RBL2: variants seen among roughly 807,000 people sequenced by gnomAD.
RBL2 encodes RB transcriptional corepressor like 2.
A neutral mutation model predicts 126.0 loss-of-function variants in RBL2; 56 were observed. The observed-to-expected ratio is 0.44, with a 90% CI of 0.36 to 0.56. The LOEUF (loss-of-function observed/expected upper bound fraction) is 0.56. Ranked by LOEUF, RBL2 falls within the 20% of genes least tolerant of loss-of-function variation. RBL2 has a pLI of 0.00. For synonymous variants in RBL2, 454 were observed against 478.5 expected, an observed-to-expected ratio of 0.95 and a Z score of 0.67; for missense variants, 1,229 against 1,398.2, an observed-to-expected ratio of 0.88 and a Z score of 1.93.
intron 3 of RBL2, among the ~76,000 whole-genome samples, chr16:53,446,815 A>T (rs2058066717): frequency 1.3e-5 from 2 of 152,202 alleles, no homozygotes; most frequent in South Asian, 4.1e-4. Flanking sequence ...ACTTTAAAAA[A>T]TTCTTTAAGA....
chr16:53,482,580 T>G (rs540059477), intron 21 of RBL2, among the ~76,000 whole-genome samples: 8 of 152,238 alleles, frequency 5.3e-5, no homozygotes, highest in Admixed American at 6.5e-5. Context: ...GAGGCCACAG[T>G]GGGCAGATCA....
Position 53,447,115 on chromosome 16 carries a change from ATAGTAATATT to A in RBL2, c.637+12_637+21del, listed in dbSNP as rs1477822781. On this transcript the variant is annotated intron_variant, in intron 4 of 21. Transcript: ENST00000262133. ...TTTTATATATGCAAAAGGTAAGAAA[ATAGTAATATT>A]TATTTAGATTTAATATGTCTATTTA... 3 of 1,388,530 alleles carry A rather than the reference ATAGTAATATT, an allele frequency of 2.2e-6. No individual in the cohort carries two copies. In the African/African-American group the frequency reaches 4.3e-5, roughly 20 times the overall value. 86.0% of individuals were successfully genotyped at this position (1,388,530 alleles called of 1,614,324 possible).
intron 11 of RBL2, among the ~76,000 whole-genome samples, chr16:53,463,605 G>T (rs1036754828): frequency 7.1e-5 from 6 of 84,432 alleles, no homozygotes; most frequent in Admixed American, 1.9e-4. Context: ...TTTCGCTCTT[G>T]TTGCTCAGGC....
chr16:53,461,854 A>G lies in RBL2; in HGVS notation c.1456+4A>G. On this transcript the variant is annotated splice_donor_region_variant and intron_variant, in intron 10 of 21. Coordinates refer to ENST00000262133, the MANE Select transcript of RBL2 (RefSeq NM_005611.4). The stretch of plus-strand genomic sequence containing the variant: ...GATTTCAGTAATTGTGCTAAAGGTA[A>G]GGTTTAACATTGTTATTCTGCTTTT... 1.3e-6 allele frequency: 2 copies of G among 1,597,332 alleles called. No homozygotes were observed. Among genetic ancestry groups the G allele is most frequent in the South Asian group, 2.2e-5 (2 of 90,658 alleles).
intron 17 of RBL2, among the ~76,000 whole-genome samples, chr16:53,477,708 TC>T (rs1960784515): frequency 6.6e-6 from 1 of 152,170 alleles, no homozygotes; most frequent in Non-Finnish European, 1.5e-5. Context: ...TTTCCTTTGC[TC>T]AATATGGCTT....
intron 9 of RBL2, 24 bp from the exon 10 acceptor site, chr16:53,461,717 G>T (rs370478866): frequency 2.6e-5 from 39 of 1,512,176 alleles, no homozygotes; most frequent in Non-Finnish European, 3.2e-5. Flanking sequence ...TTTAAATTAT[G>T]TTATTTCTCA....
intron 21 of RBL2, among the ~76,000 whole-genome samples, chr16:53,482,444 C>T (rs1407343354): frequency 6.6e-6 from 1 of 152,164 alleles, no homozygotes; most frequent in African/African-American, 2.4e-5. Context: ...AGCTTAATTA[C>T]GGGCATCATG....
At chr16:53,446,855 C>T (rs755461159) in intron 3 of RBL2, among the ~76,000 whole-genome samples, 187 bp from the exon 4 acceptor site, 4 of 152,038 alleles carry the variant, frequency 2.6e-5, no homozygotes, top group African/African-American at 4.8e-5. Flanking sequence ...GGGCTCTTTC[C>T]CTGGATCCCA....
rs1272411934 is a variant in RBL2, at chr16:53,470,737, A to G, written c.2527-9A>G. 2 of 1,612,890 alleles carry G rather than the reference A, an allele frequency of 1.2e-6. No homozygotes were observed. The highest frequency in any genetic ancestry group is 8.5e-7 in the Non-Finnish European group (1 of 1,179,408). The stretch of plus-strand genomic sequence containing the variant: ...GTTAAACAAAGTTTGAAATGTTTTT[A>G]TCTCCTAGGTATACCATTTAGCAGC... On this transcript the variant is annotated splice_polypyrimidine_tract_variant and intron_variant, in intron 16 of 21. Transcript: ENST00000262133.
intron 17 of RBL2, 78 bp downstream of exon 17, chr16:53,471,000 A>G: frequency 2.1e-6 from 3 of 1,398,758 alleles, no homozygotes; most frequent in Non-Finnish European, 2.9e-6. Flanking sequence ...GTCTTGAGAT[A>G]CAGTTTACAT....
Position 53,490,200 on chromosome 16 carries a change from A to C in RBL2, c.3320A>C (p.Glu1107Ala). 1 of 1,612,138 alleles carries C rather than the reference A, an allele frequency of 6.2e-7. No homozygotes were observed. Among genetic ancestry groups the C allele is most frequent in the South Asian group, 1.1e-5 (1 of 90,842 alleles). ...ACTAAAAAGAGAGGAATTCTTTTGG[A>C]AGATGGAAGTGAATCACCTGCAAAA... ...TPTKKRGILL[E>A]DGSESPAKRI... The change falls in exon 22 of 22, where the codon GAA becomes GCA. Residue 1107 changes from glutamate to alanine, a missense_variant. This residue lies in a region of RBL2 where 1,070 missense variants were observed against 1,274.3 expected (regional missense o/e 0.84). Transcript: ENST00000262133.
intron 12 of RBL2, 46 bp downstream of exon 12, chr16:53,464,409 C>A: frequency 6.9e-7 from 1 of 1,440,688 alleles, no homozygotes; most frequent in Non-Finnish European, 9.5e-7. Flanking sequence ...TAGATGAGAC[C>A]AACTTCCTGT....
intron 9 of RBL2, among the ~76,000 whole-genome samples, chr16:53,461,228 C>T (rs2058217048): frequency 6.6e-6 from 1 of 152,190 alleles, no homozygotes; most frequent in African/African-American, 2.4e-5. Context: ...CGAAGTGGCT[C>T]ATTCCTGTAA....
At position 53,453,621 on chromosome 16, in the gene RBL2, G is replaced by A; in HGVS notation, c.927+9G>A. ...AACTTTATGAAAAAAAGGTTTGTAA[G>A]TAGCAAAGAAATAACGTGAAAATGT... is the stretch of plus-strand genomic sequence containing the variant. On this transcript the variant is annotated intron_variant, in intron 6 of 21. Coordinates refer to ENST00000262133, the MANE Select transcript of RBL2 (RefSeq NM_005611.4). 1 of 1,605,398 alleles carries A rather than the reference G, an allele frequency of 6.2e-7. No homozygotes were observed. Among genetic ancestry groups the A allele is most frequent in the Non-Finnish European group, 8.5e-7 (1 of 1,175,800 alleles).
intron 20 of RBL2, 72 bp downstream of exon 20, chr16:53,480,841 T>C: frequency 1.4e-6 from 2 of 1,441,182 alleles, no homozygotes; most frequent in South Asian, 1.2e-5. Flanking sequence ...GATTTATATA[T>C]GGACCATTCA....
intron 2 of RBL2, among the ~76,000 whole-genome samples, chr16:53,441,484 G>A (rs1203859133): frequency 6.6e-6 from 1 of 152,094 alleles, no homozygotes; most frequent in African/African-American, 2.4e-5. Context: ...CCATTGGTTG[G>A]GGAGTGAATG....
At chr16:53,451,578 C>G in intron 4 of RBL2, 125 bp from the exon 5 acceptor site, 1 of 1,033,904 alleles carries the variant, frequency 9.7e-7, no homozygotes, top group Non-Finnish European at 1.4e-6. Flanking sequence ...TGCCAAAACA[C>G]TTATTGTAAT....
chr16:53,434,666 C>T lies in RBL2; in HGVS notation c.110C>T (p.Pro37Leu). 1.3e-6 allele frequency: 2 copies of T among 1,571,182 alleles called. No individual in the cohort carries two copies. The highest frequency in any genetic ancestry group is 8.6e-7 in the Non-Finnish European group (1 of 1,168,196). Reference protein sequence around the residue: ...DDGEAEDAAPPAESPTPQIQQ... With the variant: ...DDGEAEDAAPLAESPTPQIQQ... ...GGCGAGGCGGAAGACGCCGCGCCGC[C>T]TGCCGAGTCGCCCACCCCTCAGATC... Residue 37 changes from proline to leucine, a missense_variant, in exon 1 of 22, where the codon CCT becomes CTT. This residue lies in a region of RBL2 where 159 missense variants were observed against 123.9 expected (regional missense o/e 1.28). Transcript: ENST00000262133.
rs1886470140 is a variant in RBL2, at chr16:53,491,222, T to A, written c.*922T>A. The stretch of plus-strand genomic sequence containing the variant: ...ATATGAAAACTTATGACCTCTTCCT[T>A]TAGGAGGGAGTTATCTAAAAGAAAT... On this transcript the variant is annotated 3_prime_UTR_variant, in exon 22 of 22. Transcript: ENST00000262133. The A allele has an allele frequency of 6.6e-6, 1 of 152,184 alleles. No individual in the cohort carries two copies. Among genetic ancestry groups the A allele is most frequent in the Non-Finnish European group, 1.5e-5 (1 of 68,022 alleles). 9.4% of individuals were successfully genotyped at this position (152,184 alleles called of 1,614,324 possible).
Sources: gnomAD v4.1 joint callset for allele counts (sites outside exome capture counted in the v4.1 genomes callset) on GRCh38, gnomAD v4.1.1 for gene constraint, gnomAD v4.1.1 regional missense constraint, MANE v1.5 for transcripts, NCBI Gene and HGNC (gene_info 2026-07-23, HGNC 2026-07-21) for gene names.